The following KLRG1 variants were observed in gnomAD, a reference collection of about 807,000 sequenced individuals.
The protein encoded by KLRG1 is killer cell lectin like receptor G1.
Under a neutral mutation model 21.8 loss-of-function variants are expected in KLRG1, and 16 were observed. That is an observed-to-expected ratio of 0.73 (90% CI 0.50 to 1.11). The LOEUF (loss-of-function observed/expected upper bound fraction) is 1.11, where lower values mean the gene tolerates loss of function less well. Ranked by LOEUF, KLRG1 falls within the 50% of genes most tolerant of loss-of-function variation. The probability of loss-of-function intolerance (pLI) is 0.00; values close to 1 mark genes in which losing one functional copy is unlikely to be tolerated. For missense variants in KLRG1, 173 were observed against 218.3 expected (o/e 0.79, Z 1.31); for synonymous variants, 69 against 75.9 (o/e 0.91, Z 0.47).
the KLRG1 span, among the ~76,000 whole-genome samples, chr12:9,191,793 G>GA: frequency 9.3e-5 from 14 of 151,268 alleles, no homozygotes; most frequent in South Asian, 2.1e-4. Flanking sequence ...CCTGGCACAA[G>GA]AAAAAAAAAT....
At chr12:9,071,406 T>C in the KLRG1 span, among the ~76,000 whole-genome samples, 2 of 152,206 alleles carry the variant, frequency 1.3e-5, no homozygotes, top group South Asian at 4.2e-4. Context: ...TTTTGGCATA[T>C]ATATACACCA....
the KLRG1 span, among the ~76,000 whole-genome samples, chr12:9,081,426 A>G: frequency 3.9e-5 from 6 of 152,220 alleles, no homozygotes; most frequent in African/African-American, 1.4e-4. Flanking sequence ...TTGTAGTTCA[A>G]TTAAAATTCA....
At chr12:9,182,239 A>G in the KLRG1 span, 2 of 922,192 alleles carry the variant, frequency 2.2e-6, no homozygotes, top group Non-Finnish European at 3.0e-6. Flanking sequence ...ATTCATTCTA[A>G]TGGCTTAGTC....
the KLRG1 span, among the ~76,000 whole-genome samples, chr12:9,125,098 T>G: frequency 6.6e-6 from 1 of 152,152 alleles, no homozygotes; most frequent in African/African-American, 2.4e-5. Context: ...CCCTCTCTGC[T>G]GAGAGCTTCA....
chr12:9,197,062 G>A, the KLRG1 span: 6 of 1,613,544 alleles, frequency 3.7e-6, no homozygotes, highest in African/African-American at 5.3e-5. Flanking sequence ...TTAAGAACAC[G>A]AGATAATTTT....
the KLRG1 span, among the ~76,000 whole-genome samples, chr12:9,060,567 G>C: frequency 1.3e-5 from 2 of 152,116 alleles, no homozygotes; most frequent in Non-Finnish European, 2.9e-5. Flanking sequence ...GGGAGCAGAG[G>C]TTGCAGTGAG....
intron 2 of KLRG1, among the ~76,000 whole-genome samples, chr12:8,993,884 G>T (rs1028718166): frequency 6.6e-6 from 1 of 152,044 alleles, no homozygotes; most frequent in Non-Finnish European, 1.5e-5. Context: ...ACTCTATTCT[G>T]CAATTATATA....
chr12:9,198,403 G>A, the KLRG1 span, among the ~76,000 whole-genome samples: 6 of 152,152 alleles, frequency 3.9e-5, no homozygotes, highest in Admixed American at 1.3e-4. Flanking sequence ...TCTTTATTTT[G>A]TTTTAATAAT....
the KLRG1 span, chr12:9,101,554 G>C: frequency 6.2e-7 from 1 of 1,613,972 alleles, no homozygotes; most frequent in Non-Finnish European, 8.5e-7. Context: ...TGAGACATGG[G>C]CTCAAGGTGG....
chr12:9,092,426 G>A, the KLRG1 span, among the ~76,000 whole-genome samples: 1 of 151,712 alleles, frequency 6.6e-6, no homozygotes, highest in Non-Finnish European at 1.5e-5. Flanking sequence ...ACCACCCCTT[G>A]GCTCAATACA....
the KLRG1 span, chr12:9,101,302 A>T: frequency 7.2e-7 from 1 of 1,384,642 alleles, no homozygotes; most frequent in South Asian, 1.2e-5. Context: ...CCCTGCCGGC[A>T]ATAATTCACC....
chr12:9,191,140 A>G, the KLRG1 span, among the ~76,000 whole-genome samples: 2 of 152,136 alleles, frequency 1.3e-5, no homozygotes, highest in Admixed American at 1.3e-4. Context: ...ATTTTACTAT[A>G]TAGAGATTTT....
the KLRG1 span, chr12:9,166,077 A>C: frequency 6.2e-7 from 1 of 1,609,892 alleles, no homozygotes; most frequent in Non-Finnish European, 8.5e-7. Flanking sequence ...TCCCAGATCC[A>C]AGTCTCAGGA....
intron 1 of KLRG1, among the ~76,000 whole-genome samples, chr12:8,976,513 A>G (rs1946659792): frequency 6.6e-6 from 1 of 151,992 alleles, no homozygotes; most frequent in Non-Finnish European, 1.5e-5. Flanking sequence ...TGCTTTTTTA[A>G]TTGATTTTTT....
At chr12:9,190,967 G>T in the KLRG1 span, among the ~76,000 whole-genome samples, 1 of 152,004 alleles carries the variant, frequency 6.6e-6, no homozygotes, top group Non-Finnish European at 1.5e-5. Context: ...AGAGTAAATC[G>T]GTAATTAATA....
chr12:9,091,427 G>A, the KLRG1 span: 2 of 1,614,024 alleles, frequency 1.2e-6, no homozygotes, highest in African/African-American at 2.7e-5. Context: ...CACACCTGCT[G>A]AGCTGGAGAG....
the KLRG1 span, among the ~76,000 whole-genome samples, chr12:9,062,138 A>G: frequency 4.1e-5 from 6 of 148,078 alleles, no homozygotes; most frequent in African/African-American, 1.5e-4. Flanking sequence ...TATCTGATAT[A>G]TTTATATATT....
the KLRG1 span, among the ~76,000 whole-genome samples, chr12:9,215,199 A>G: frequency 6.6e-6 from 1 of 152,000 alleles, no homozygotes; most frequent in Non-Finnish European, 1.5e-5. Context: ...CCTATTAGAC[A>G]CTGTGAACTT....
chr12:8,966,365 G>T (rs1258237321), intron 1 of KLRG1, among the ~76,000 whole-genome samples: 2 of 152,032 alleles, frequency 1.3e-5, no homozygotes, highest in Non-Finnish European at 2.9e-5. Flanking sequence ...AAGAGCTTCT[G>T]CACAGCAAAA....
Sources: allele counts gnomAD v4.1 joint callset (sites outside exome capture counted in the v4.1 genomes callset), GRCh38; gene constraint gnomAD v4.1.1; transcripts MANE v1.5; gene names NCBI Gene and HGNC (gene_info 2026-07-23, HGNC 2026-07-21).